Variants in MGST1 observed in about 807,000 individuals in gnomAD.
MGST1 encodes glutathione S-transferase 12.
A neutral mutation model predicts 8.9 loss-of-function variants in MGST1; 5 were observed. That is an observed-to-expected ratio of 0.56 (90% confidence interval 0.29 to 1.19). The LOEUF (loss-of-function observed/expected upper bound fraction) is 1.19, where lower values mean the gene tolerates loss of function less well. Among genes scored for constraint, MGST1 ranks in the 50% most tolerant of loss-of-function variants. The probability of loss-of-function intolerance (pLI) is 0.08; values close to 1 mark genes in which losing one functional copy is unlikely to be tolerated. For synonymous variants in MGST1, 54 were observed against 67.8 expected, an observed-to-expected ratio of 0.80 and a Z score of 1.00; for missense variants, 182 against 187.4, an observed-to-expected ratio of 0.97 and a Z score of 0.17.
At chr12:16,575,823 C>CAG (rs3029720) in intron 4 of MGST1, among the ~76,000 whole-genome samples, 151,800 of 152,216 alleles carry the variant, frequency 1, 75,693 homozygotes, top group East Asian at 1. Flanking sequence ...CTAAATTCTT[C>CAG]ACTTTCTACT....
At chr12:16,478,927 A>AAAAT (rs1941344728) in intron 4 of MGST1, among the ~76,000 whole-genome samples, 1 of 152,116 alleles carries the variant, frequency 6.6e-6, no homozygotes, top group Non-Finnish European at 1.5e-5. Flanking sequence ...CCGTTGTTCC[A>AAAAT]AAATAAAACA....
chr12:16,530,686 G>A (rs989220724), intron 4 of MGST1, among the ~76,000 whole-genome samples: 1 of 152,088 alleles, frequency 6.6e-6, no homozygotes, highest in African/African-American at 2.4e-5. Context: ...TCAATGAGCT[G>A]GCTCATTTCT....
intron 1 of MGST1, among the ~76,000 whole-genome samples, chr12:16,394,505 TTTCTCTCC>T (rs1393509742): frequency 1.4e-4 from 9 of 64,794 alleles, no homozygotes; most frequent in South Asian, 5.3e-4. Flanking sequence ...TTTCTCTCTC[TTTCTCTCC>T]CTTTCTTTCT....
intron 4 of MGST1, among the ~76,000 whole-genome samples, chr12:16,566,079 C>T (rs1453008962): frequency 3.0e-5 from 4 of 131,724 alleles, no homozygotes; most frequent in African/African-American, 1.1e-4. Flanking sequence ...GAATGAAATC[C>T]TGTCATTTGT....
chr12:16,355,263 C>T (rs1478069178), intron 2 of MGST1, among the ~76,000 whole-genome samples: 1 of 146,254 alleles, frequency 6.8e-6, no homozygotes, highest in African/African-American at 2.6e-5. Flanking sequence ...GGCTGGAGTG[C>T]AGTGGCAGGA....
In MGST1 at chr12:16,394,675, GCAA is replaced by G. The variant is rs1940589579; in HGVS notation, n.778+11073_778+11075del. Reference sequence around the variant, plus strand: ...TGGCATGATCTTGGCTCACTGCACTGCAACCTCCACCTCCTGGGTTCAAGCAAT... The same window carrying G: ...TGGCATGATCTTGGCTCACTGCACTGCCTCCACCTCCTGGGTTCAAGCAAT... On this transcript the variant is annotated intron_variant and non_coding_transcript_variant, in intron 1 of 1. Transcript: ENST00000359720. Among the ~76,000 whole-genome samples the G allele has an allele frequency of 2.0e-5, 3 of 151,574 alleles. No homozygotes were observed. In the East Asian group the frequency reaches 5.8e-4, roughly 30 times the overall value.
chr12:16,569,141 AC>A (rs1196572985), intron 4 of MGST1, among the ~76,000 whole-genome samples: 1 of 152,206 alleles, frequency 6.6e-6, no homozygotes, highest in African/African-American at 2.4e-5. Flanking sequence ...AAATGGGTTG[AC>A]GCTTGGGCTA....
intron 4 of MGST1, chr12:16,514,343 A>G (rs1941597122): frequency 3.3e-6 from 1 of 303,568 alleles, no homozygotes. Context: ...CCTCCCCTCA[A>G]TGGGACCCGT....
In MGST1 at chr12:16,585,493, C is replaced by T. The variant is rs1249514074; in HGVS notation, n.483-4035C>T. On this transcript the variant is annotated intron_variant and non_coding_transcript_variant, in intron 4 of 4. Transcript: ENST00000538857. This position sits in a 1 kb window ranked among gnomAD's most constrained non-coding sequence, Gnocchi z 4.7. The stretch of plus-strand genomic sequence containing the variant: ...ATTGTTCCCAAATATTATTCAAATT[C>T]ACCTAATTTTACATATAATTGCAGA... Among the ~76,000 whole-genome samples, 1 of 152,142 alleles carries T rather than the reference C, an allele frequency of 6.6e-6. No individual in the cohort carries two copies. Among genetic ancestry groups the T allele is most frequent in the African/African-American group, 2.4e-5 (1 of 41,412 alleles).
Position 16,401,574 on chromosome 12 carries a change from C to A in MGST1, n.778+17970C>A. On this transcript the variant is annotated intron_variant and non_coding_transcript_variant, in intron 1 of 1. Coordinates refer to the MGST1 transcript ENST00000359720. The surrounding 1 kb of genome is among the most constrained non-coding windows in gnomAD (Gnocchi z 4.3). ...CCATCAAAGTGCGAACAGGTTGGAG[C>A]AATAAGACTCGAAGCGAATACCCAT... is the stretch of plus-strand genomic sequence containing the variant. The A allele has an allele frequency of 2.3e-6, 3 of 1,305,344 alleles. No individual in the cohort carries two copies. The allele number at this position is 1,305,344 out of a possible 1,614,324, so 80.9% of individuals were successfully genotyped here.
intron 1 of MGST1, among the ~76,000 whole-genome samples, chr12:16,414,705 G>A (rs138628484): frequency 0.018 from 2,797 of 152,172 alleles, 41 homozygotes; most frequent in Middle Eastern, 0.044. Flanking sequence ...GTGAGCCACC[G>A]CGCCCGGCCA....
chr12:16,545,799 A>G lies in MGST1; in HGVS notation n.483-43729A>G, dbSNP rs900473067. Among the ~76,000 whole-genome samples, 4 of 152,180 alleles carry G rather than the reference A, an allele frequency of 2.6e-5. No individual in the cohort carries two copies. The South Asian group carries it at 8.3e-4, about 32-fold the overall frequency. On this transcript the variant is annotated intron_variant and non_coding_transcript_variant, in intron 4 of 4. Transcript: ENST00000538857. ...AAAAATATAATCACTCTCATTCCCA[A>G]TTTTTATCTTTAAAGATAATATTAA... is the stretch of plus-strand genomic sequence containing the variant.
intron 4 of MGST1, among the ~76,000 whole-genome samples, chr12:16,491,849 G>T (rs551574357): frequency 1.3e-5 from 2 of 151,506 alleles, no homozygotes; most frequent in Non-Finnish European, 2.9e-5. Context: ...CCTTTTTCCC[G>T]TTTCTAATAT....
At chr12:16,569,783 A>C in intron 4 of MGST1, among the ~76,000 whole-genome samples, 1 of 152,188 alleles carries the variant, frequency 6.6e-6, no homozygotes, top group East Asian at 1.9e-4. Flanking sequence ...AGACATAGTT[A>C]TGGAAAGAAC....
chr12:16,355,712 C>T (rs1225634811), intron 2 of MGST1, among the ~76,000 whole-genome samples: 2 of 152,164 alleles, frequency 1.3e-5, no homozygotes, highest in African/African-American at 4.8e-5. Flanking sequence ...GGGAGCCACA[C>T]GCTTTTTATG....
At chr12:16,444,686 G>T (rs961936817) in intron 4 of MGST1, among the ~76,000 whole-genome samples, 21 of 151,868 alleles carry the variant, frequency 1.4e-4, no homozygotes, top group Admixed American at 1.4e-3. Flanking sequence ...GGGAGTGCTG[G>T]TACAACAGTG....
At chr12:16,462,677 A>G (rs1342678931) in intron 4 of MGST1, among the ~76,000 whole-genome samples, 1 of 152,176 alleles carries the variant, frequency 6.6e-6, no homozygotes, top group East Asian at 1.9e-4. Flanking sequence ...ATTCAAATCA[A>G]TTGTTTATCT....
intron 4 of MGST1, among the ~76,000 whole-genome samples, chr12:16,535,701 A>G (rs1232738983): frequency 6.6e-6 from 1 of 152,162 alleles, no homozygotes; most frequent in Non-Finnish European, 1.5e-5. Context: ...CTCATTAGCA[A>G]TGGCTCTTAA....
Position 16,500,638 on chromosome 12 carries a change from CAG to C in MGST1, n.483-88886_483-88885del, listed in dbSNP as rs1290445122. ...TAACTTAGAGTCGTTTTTGACAAAG[CAG>C]AGACTTAGAAGGCCTTTGCCCAGGA... On this transcript the variant is annotated intron_variant and non_coding_transcript_variant, in intron 4 of 4. Coordinates refer to the MGST1 transcript ENST00000538857. This position sits in a 1 kb window ranked among gnomAD's most constrained non-coding sequence, Gnocchi z 4.3. 6.6e-6 allele frequency among the ~76,000 whole-genome samples: 1 copy of C among 151,906 alleles called. No individual in the cohort carries two copies. The highest frequency in any genetic ancestry group is 1.5e-5 in the Non-Finnish European group (1 of 67,986).
Sources: gnomAD v4.1 joint callset for allele counts (sites outside exome capture counted in the v4.1 genomes callset) on GRCh38, gnomAD v4.1.1 for gene constraint, Gnocchi (gnomAD v3.1) non-coding constraint, MANE v1.5 for transcripts, NCBI Gene and HGNC (gene_info 2026-07-23, HGNC 2026-07-21) for gene names.